ZNF487: variants seen among roughly 807,000 people sequenced by gnomAD.
ZNF487 encodes KRAB domain only 1.
ZNF487 carries 4 observed loss-of-function variants against 3.0 expected under a neutral mutation model. That is an observed-to-expected ratio of 1.35 (90% CI 0.66 to 3.08). The LOEUF (loss-of-function observed/expected upper bound fraction) is 3.08, where lower values mean the gene tolerates loss of function less well. Ranked by LOEUF, ZNF487 falls within the 30% of genes most tolerant of loss-of-function variation. The probability of loss-of-function intolerance (pLI) is 0.01; values close to 1 mark genes in which losing one functional copy is unlikely to be tolerated. For missense variants in ZNF487, 146 were observed against 98.7 expected (o/e 1.48, Z -2.03); for synonymous variants, 55 against 34.6 (o/e 1.59, Z -2.06).
the ZNF487 span, among the ~76,000 whole-genome samples, chr10:43,498,114 C>CTTTTTTTTTTTTTTTT: frequency 1.2e-4 from 3 of 24,616 alleles, no homozygotes; most frequent in Non-Finnish European, 2.0e-4. Flanking sequence ...TTTTTTTTTT[C>CTTTTTTTTTTTTTTTT]TTTTTTTTTT....
chr10:43,454,928 A>T (rs1366204667), intron 1 of ZNF487, among the ~76,000 whole-genome samples: 2 of 106,308 alleles, frequency 1.9e-5, no homozygotes, highest in Admixed American at 2.4e-4. Flanking sequence ...ACAGAGCCAG[A>T]CCTTGTCTCA....
chr10:43,469,564 C>A (rs1231264674), intron 1 of ZNF487, among the ~76,000 whole-genome samples: 1 of 151,986 alleles, frequency 6.6e-6, no homozygotes, highest in African/African-American at 2.4e-5. Flanking sequence ...TGATCTTGGG[C>A]TCCTTGGTTC....
chr10:43,467,618 ACCAGCCTGGCAAACATG>A, intron 1 of ZNF487, among the ~76,000 whole-genome samples: 1 of 151,656 alleles, frequency 6.6e-6, no homozygotes, highest in Non-Finnish European at 1.5e-5. Context: ...GGAGTTTGAT[ACCAGCCTGGCAAACATG>A]GTGAAACCTT....
the ZNF487 span, among the ~76,000 whole-genome samples, chr10:43,518,422 G>A: frequency 6.6e-6 from 1 of 152,110 alleles, no homozygotes; most frequent in Non-Finnish European, 1.5e-5. Context: ...CACTTCATAT[G>A]CCAGTGCCAC....
In ZNF487 at chr10:43,479,997, T is replaced by TTC. The variant is rs1356264606; in HGVS notation, c.131-1430_131-1429dup. ...TTTCTTTCTTTCCTTCTTTCTTTCT[T>TTC]TCTTTCTTTCTTTCTTTCTTTCTTT... On this transcript the variant is annotated intron_variant, in intron 3 of 3. Coordinates refer to ENST00000437590, the MANE Select transcript of ZNF487 (RefSeq NM_001355444.3). 5.6e-5 allele frequency among the ~76,000 whole-genome samples: 4 copies of TTC among 71,456 alleles called. 1 individual carries two copies. The highest frequency in any genetic ancestry group is 1.4e-4 in the African/African-American group (4 of 29,502). The allele number at this position is 71,456 out of a possible 152,430, so 46.9% of individuals were successfully genotyped here.
chr10:43,522,507 TA>T, the ZNF487 span, among the ~76,000 whole-genome samples: 1 of 151,360 alleles, frequency 6.6e-6, no homozygotes, highest in Non-Finnish European at 1.5e-5. Context: ...GCTGAGGTGG[TA>T]GGTTTACCTG....
At chr10:43,481,118 A>G (rs1841335121) in intron 3 of ZNF487, among the ~76,000 whole-genome samples, 1 of 152,110 alleles carries the variant, frequency 6.6e-6, no homozygotes, top group Admixed American at 6.6e-5. Context: ...CCTGGGCAAC[A>G]GGAGTTTGAC....
At position 43,460,378 on chromosome 10, in the gene ZNF487, TTC is replaced by T. The variant is rs60156583; in HGVS notation, c.-93-15341_-93-15340del. On this transcript the variant is annotated intron_variant, in intron 1 of 3. Coordinates refer to ENST00000437590, the MANE Select transcript of ZNF487 (RefSeq NM_001355444.3). ...TGAAAGAGTCTGTTGTTTTCTTTCTTTCTTTTTTTTTTTTTTTTTTTTGAGAC... is the reference window on the plus strand; with the variant it reads ...TGAAAGAGTCTGTTGTTTTCTTTCTTTTTTTTTTTTTTTTTTTTTTGAGAC... 3.4e-3 allele frequency among the ~76,000 whole-genome samples: 500 copies of T among 147,026 alleles called. 7 individuals are homozygous for T. Among genetic ancestry groups the T allele is most frequent in the African/African-American group, 0.013 (481 of 38,130 alleles).
chr10:43,483,061 A>T lies in ZNF487; in HGVS notation c.*1139A>T, dbSNP rs776406812. 18 of 459,122 alleles carry T rather than the reference A, an allele frequency of 3.9e-5. No homozygotes were observed. The highest frequency in any genetic ancestry group is 1.5e-5 in the South Asian group (1 of 64,796). The allele number at this position is 459,122 out of a possible 1,614,324, so 28.4% of individuals were successfully genotyped here. A position where few individuals can be genotyped will look rare whatever the true frequency, so the allele number is the denominator to read the frequency against. ...ACTAAATGTCAGAGAGACAACATAG[A>T]GGAAACCCTTGTCAACATCCTGAAG... On this transcript the variant is annotated 3_prime_UTR_variant, in exon 4 of 4. Coordinates refer to ENST00000437590, the MANE Select transcript of ZNF487 (RefSeq NM_001355444.3).
Position 43,467,170 on chromosome 10 carries a change from C to T in ZNF487, c.-93-8551C>T, listed in dbSNP as rs79355092. ...GATTATAAGCATGAGCCGCCGCACC[C>T]GGCCAAGGAGTAATTTTGACTTTCA... On this transcript the variant is annotated intron_variant, in intron 1 of 3. Coordinates refer to ENST00000437590, the MANE Select transcript of ZNF487 (RefSeq NM_001355444.3). Among the ~76,000 whole-genome samples, 703 of 151,910 alleles carry T rather than the reference C, an allele frequency of 4.6e-3. 6 individuals are homozygous for T. Among genetic ancestry groups the T allele is most frequent in the African/African-American group, 0.016 (673 of 41,430 alleles).
chr10:43,473,098 A>G (rs1349711032), intron 1 of ZNF487, among the ~76,000 whole-genome samples: 1 of 145,926 alleles, frequency 6.9e-6, no homozygotes, highest in Non-Finnish European at 1.5e-5. Flanking sequence ...ACTTTACCAT[A>G]TATTAGGACA....
Position 43,448,510 on chromosome 10 carries a change from T to G in ZNF487, c.-94+11248T>G, listed in dbSNP as rs547957676. On this transcript the variant is annotated intron_variant, in intron 1 of 3. Coordinates refer to ENST00000437590, the MANE Select transcript of ZNF487 (RefSeq NM_001355444.3). Reference sequence around the variant, plus strand: ...GTGGGTCTATGTATATGTGGATTTTTTTCTTTTTTAAGGAGATGGGGTCGG... The same window carrying G: ...GTGGGTCTATGTATATGTGGATTTTGTTCTTTTTTAAGGAGATGGGGTCGG... 1.9e-3 allele frequency among the ~76,000 whole-genome samples: 288 copies of G among 152,098 alleles called. 1 individual carries two copies. Among genetic ancestry groups the G allele is most frequent in the African/African-American group, 6.4e-3 (266 of 41,522 alleles).
At chr10:43,451,486 C>G (rs1212288504) in intron 1 of ZNF487, among the ~76,000 whole-genome samples, 1 of 149,334 alleles carries the variant, frequency 6.7e-6, no homozygotes, top group Non-Finnish European at 1.5e-5. Context: ...CTCAGGTGAT[C>G]CACCCGCCTT....
At chr10:43,455,817 G>A (rs1840177958) in intron 1 of ZNF487, among the ~76,000 whole-genome samples, 1 of 152,240 alleles carries the variant, frequency 6.6e-6, no homozygotes, top group South Asian at 2.1e-4. Context: ...CGGCCTTAGC[G>A]GCGTTTGCTG....
chr10:43,477,284 C>T (rs2132140386), intron 3 of ZNF487, among the ~76,000 whole-genome samples: 1 of 151,610 alleles, frequency 6.6e-6, no homozygotes, highest in African/African-American at 2.4e-5. Context: ...GCAACCTCTG[C>T]CTCCCAGCTC....
intron 1 of ZNF487, chr10:43,452,713 C>A (rs1226507890): frequency 6.6e-6 from 1 of 152,068 alleles, no homozygotes; most frequent in Non-Finnish European, 1.5e-5. Context: ...CCCAGAAAGC[C>A]TCATGTGAGT....
the ZNF487 span, among the ~76,000 whole-genome samples, chr10:43,510,529 C>A: frequency 2.0e-5 from 3 of 152,124 alleles, no homozygotes; most frequent in South Asian, 2.1e-4. Flanking sequence ...CCATCCCAGG[C>A]AACACTGTAA....
chr10:43,520,581 C>T, the ZNF487 span, among the ~76,000 whole-genome samples: 2 of 152,084 alleles, frequency 1.3e-5, no homozygotes, highest in African/African-American at 4.8e-5. Context: ...AGAACAAAAC[C>T]AGCATGAAAA....
At chr10:43,465,187 G>A (rs1442292013) in intron 1 of ZNF487, among the ~76,000 whole-genome samples, 34 of 150,122 alleles carry the variant, frequency 2.3e-4, no homozygotes, top group African/African-American at 3.4e-4. Flanking sequence ...GGCCGGGCGG[G>A]GGGCTGACCC....
Sources: gnomAD v4.1 joint callset for allele counts (sites outside exome capture counted in the v4.1 genomes callset) on GRCh38, gnomAD v4.1.1 for gene constraint, MANE v1.5 for transcripts, NCBI Gene and HGNC (gene_info 2026-07-23, HGNC 2026-07-21) for gene names.